PDE4D: variants seen among roughly 807,000 people sequenced by gnomAD.
PDE4D encodes the protein 3',5'-cyclic-AMP phosphodiesterase 4D.
PDE4D carries 24 observed loss-of-function variants against 87.4 expected under a neutral mutation model. The ratio of observed to expected loss-of-function variants is 0.27; its 90% confidence interval spans 0.20 to 0.39. The LOEUF (loss-of-function observed/expected upper bound fraction) is 0.39, where lower values mean the gene tolerates loss of function less well. Among genes scored for constraint, PDE4D ranks in the 10% least tolerant of loss-of-function variants. The pLI is 1.00. For synonymous variants in PDE4D, 384 were observed against 383.2 expected, an observed-to-expected ratio of 1.00 and a Z score of -0.02; for missense variants, 714 against 1,041.0, an observed-to-expected ratio of 0.69 and a Z score of 4.32.
At chr5:59,505,189 C>CTGCAGCTT (rs1392376054) in intron 1 of PDE4D, among the ~76,000 whole-genome samples, 15 of 152,130 alleles carry the variant, frequency 9.9e-5, no homozygotes, top group Non-Finnish European at 2.1e-4. Context: ...CCTAAGGGAA[C>CTGCAGCTT]TGCAGCTTTA....
intron 1 of PDE4D, among the ~76,000 whole-genome samples, chr5:60,370,474 A>C (rs1760926927): frequency 6.6e-6 from 1 of 152,218 alleles, no homozygotes. Context: ...TGGGAAGATA[A>C]GCAATATATA....
intron 1 of PDE4D, among the ~76,000 whole-genome samples, chr5:59,271,712 A>G (rs2153541517): frequency 6.6e-6 from 1 of 152,248 alleles, no homozygotes; most frequent in South Asian, 2.1e-4. Context: ...ACTCATTTGC[A>G]TATTATATAA....
At chr5:59,328,544 T>C (rs1044440262) in intron 1 of PDE4D, among the ~76,000 whole-genome samples, 1 of 152,130 alleles carries the variant, frequency 6.6e-6, no homozygotes, top group Admixed American at 6.6e-5. Context: ...GAAAAGCAAC[T>C]TCAGTACACA....
chr5:60,050,760 G>A (rs1236123807), intron 2 of PDE4D, among the ~76,000 whole-genome samples: 1 of 152,176 alleles, frequency 6.6e-6, no homozygotes, highest in Non-Finnish European at 1.5e-5. Context: ...AAAGAGGCAA[G>A]ATCCATTGTT....
intron 1 of PDE4D, among the ~76,000 whole-genome samples, chr5:60,451,590 A>C (rs565352347): frequency 6.6e-6 from 1 of 152,232 alleles, no homozygotes; most frequent in South Asian, 2.1e-4. Context: ...AAGGGATTAA[A>C]GGTGGAATTT....
chr5:59,187,832 C>A (rs1247882568), intron 3 of PDE4D, among the ~76,000 whole-genome samples: 1 of 151,762 alleles, frequency 6.6e-6, no homozygotes, highest in Non-Finnish European at 1.5e-5. Flanking sequence ...TTGGTGTTAA[C>A]TATTATCTTC....
chr5:59,231,299 C>T (rs2153516940), intron 1 of PDE4D, among the ~76,000 whole-genome samples: 1 of 152,272 alleles, frequency 6.6e-6, no homozygotes, highest in Admixed American at 6.5e-5. Context: ...TGCCATATTC[C>T]ATTCTCTGCC....
At chr5:60,047,802 G>C (rs981152536) in intron 2 of PDE4D, among the ~76,000 whole-genome samples, 2 of 152,052 alleles carry the variant, frequency 1.3e-5, no homozygotes, top group African/African-American at 4.8e-5. Flanking sequence ...GTCAATTTTG[G>C]AATAGGTGTG....
At chr5:60,079,641 T>C (rs1469505616) in intron 2 of PDE4D, among the ~76,000 whole-genome samples, 1 of 152,186 alleles carries the variant, frequency 6.6e-6, no homozygotes, top group Non-Finnish European at 1.5e-5. Flanking sequence ...AGATCTTTTC[T>C]CCACTGCTTG....
intron 2 of PDE4D, among the ~76,000 whole-genome samples, chr5:60,044,082 A>G (rs571181640): frequency 1.1e-4 from 16 of 152,044 alleles, no homozygotes; most frequent in African/African-American, 3.9e-4. Context: ...ACATAATATG[A>G]CTAGGTGTGG....
At chr5:59,539,599 C>T (rs1019735726) in intron 1 of PDE4D, among the ~76,000 whole-genome samples, 8 of 151,944 alleles carry the variant, frequency 5.3e-5, no homozygotes, top group Non-Finnish European at 1.0e-4. Context: ...TGTGTTCCTG[C>T]CTCAAAAAAG....
Position 59,893,640 on chromosome 5 carries a change from C to A in PDE4D, c.-18G>T. ...GCCTCCATCCTGGCTCGCGGCTCCG[C>A]GACCTGCTGCCCAGCCCGGGTTCAC... On this transcript the variant is annotated 5_prime_UTR_variant, in exon 1 of 15. Transcript: ENST00000340635. 1 of 1,473,960 alleles carries A rather than the reference C, an allele frequency of 6.8e-7. No individual in the cohort carries two copies. The highest frequency in any genetic ancestry group is 8.9e-7 in the Non-Finnish European group (1 of 1,118,538). 91.3% of individuals were successfully genotyped at this position (1,473,960 alleles called of 1,614,324 possible).
intron 1 of PDE4D, among the ~76,000 whole-genome samples, chr5:59,623,412 C>T (rs543786681): frequency 6.6e-5 from 10 of 152,308 alleles, no homozygotes; most frequent in African/African-American, 2.4e-4. Flanking sequence ...GTGATAATTT[C>T]TTCAGACTCA....
chr5:59,949,377 A>G (rs376446980), intron 3 of PDE4D, among the ~76,000 whole-genome samples: 129 of 150,520 alleles, frequency 8.6e-4, no homozygotes, highest in African/African-American at 3.0e-3. Flanking sequence ...AGCTTGCAGT[A>G]AGCCGAGATC....
intron 1 of PDE4D, among the ~76,000 whole-genome samples, chr5:59,723,312 C>T (rs1264287726): frequency 6.6e-6 from 1 of 151,996 alleles, no homozygotes; most frequent in East Asian, 1.9e-4. Flanking sequence ...GGCAAATTAC[C>T]TGAATAACTC....
rs578239494 is a variant in PDE4D, at chr5:60,257,863, C to A, written c.-89-72176G>T. Among the ~76,000 whole-genome samples the A allele has an allele frequency of 6.6e-5, 10 of 152,060 alleles. No individual in the cohort carries two copies. In the East Asian group the frequency reaches 1.6e-3, roughly 24 times the overall value. Reference sequence around the variant, plus strand: ...TTGATTCTCATTATTCTTAAGGAGTCACAGACAAGCTGTTATCAATTTGCT... The same window carrying A: ...TTGATTCTCATTATTCTTAAGGAGTAACAGACAAGCTGTTATCAATTTGCT... On this transcript the variant is annotated intron_variant, in intron 1 of 16. Transcript: ENST00000502484.
intron 5 of PDE4D, among the ~76,000 whole-genome samples, chr5:59,088,567 T>C (rs528654573): frequency 6.6e-6 from 1 of 152,188 alleles, no homozygotes; most frequent in East Asian, 1.9e-4. Context: ...CCAACAGTAG[T>C]AGACAGGATA....
intron 1 of PDE4D, among the ~76,000 whole-genome samples, chr5:60,505,144 A>T (rs1750267615): frequency 6.6e-6 from 1 of 152,264 alleles, no homozygotes; most frequent in Non-Finnish European, 1.5e-5. Flanking sequence ...GACTATACAG[A>T]CAGAATAGAA....
chr5:59,875,297 T>C (rs1351224993), intron 1 of PDE4D, among the ~76,000 whole-genome samples: 2 of 151,392 alleles, frequency 1.3e-5, no homozygotes, highest in South Asian at 2.1e-4. Context: ...CCATCTCTAC[T>C]AGAAATAACA....
Sources: gnomAD v4.1 joint callset for allele counts (sites outside exome capture counted in the v4.1 genomes callset) on GRCh38, gnomAD v4.1.1 for gene constraint, MANE v1.5 for transcripts, NCBI Gene and HGNC (gene_info 2026-07-23, HGNC 2026-07-21) for gene names.